Variants in TMEM182 observed in about 807,000 individuals in gnomAD.
The protein encoded by TMEM182 is transmembrane protein 182.
In TMEM182, 20 loss-of-function variants were observed where a neutral mutation model predicts 26.8. That is an observed-to-expected ratio of 0.75 (90% CI 0.53 to 1.09). TMEM182 has a LOEUF of 1.09. Ranked by LOEUF, TMEM182 falls within the 50% of genes least tolerant of loss-of-function variation. The pLI, the probability that TMEM182 is intolerant of heterozygous loss-of-function variation, is 0.00. For synonymous variants in TMEM182, 109 were observed against 102.2 expected (o/e 1.07, Z -0.40); for missense variants, 277 against 275.5 (o/e 1.01, Z -0.04).
chr2:102,816,118 C>T lies in TMEM182; in HGVS notation c.*1150C>T, dbSNP rs1682734614. ...ATTCTGTATTATTCAGTAGCATAGA[C>T]ATTTTGCATATCAAAGATGTTCATT... On this transcript the variant is annotated 3_prime_UTR_variant, in exon 5 of 5. Coordinates refer to ENST00000412401, the MANE Select transcript of TMEM182 (RefSeq NM_144632.5). 1.0e-6 allele frequency: 1 copy of T among 985,374 alleles called. No homozygotes were observed. The highest frequency in any genetic ancestry group is 1.2e-6 in the Non-Finnish European group (1 of 829,924). The allele number at this position is 985,374 out of a possible 1,614,324, so 61.0% of individuals were successfully genotyped here.
In TMEM182 at chr2:102,816,509, C is replaced by CTAATAA. The variant is rs1558789237; in HGVS notation, c.*1541_*1542insTAATAA. 2 of 769,782 alleles carry CTAATAA rather than the reference C, an allele frequency of 2.6e-6. No homozygotes were observed. The highest frequency in any genetic ancestry group is 1.4e-4 in the East Asian group (1 of 6,940). The allele number at this position is 769,782 out of a possible 1,614,324, so 47.7% of individuals were successfully genotyped here. A position where few individuals can be genotyped will look rare whatever the true frequency, so the allele number is the denominator to read the frequency against. On this transcript the variant is annotated 3_prime_UTR_variant, in exon 5 of 5. Coordinates refer to ENST00000412401, the MANE Select transcript of TMEM182 (RefSeq NM_144632.5). Reference sequence around the variant, plus strand: ...CAGGGCATTTTCATGACAGGACTTGCCAATAATAATAATAATAATAATAAT... The same window carrying CTAATAA: ...CAGGGCATTTTCATGACAGGACTTGCTAATAACAATAATAATAATAATAATAATAAT...
chr2:102,763,472 G>A (rs1213479232), intron 2 of TMEM182, among the ~76,000 whole-genome samples: 1 of 152,080 alleles, frequency 6.6e-6, no homozygotes, highest in Non-Finnish European at 1.5e-5. Context: ...TCAAAGTATG[G>A]TATTTACATA....
intron 1 of TMEM182, among the ~76,000 whole-genome samples, chr2:102,751,145 A>G (rs1286521300): frequency 6.6e-6 from 1 of 152,106 alleles, no homozygotes; most frequent in Non-Finnish European, 1.5e-5. Flanking sequence ...GAGGTTTAAT[A>G]GGCGCAAGAA....
chr2:102,777,114 A>G (rs1408688729), intron 3 of TMEM182, among the ~76,000 whole-genome samples: 1 of 151,834 alleles, frequency 6.6e-6, no homozygotes, highest in African/African-American at 2.4e-5. Flanking sequence ...ACATTTTCTT[A>G]ACAGTGTCGT....
At chr2:102,757,750 T>C (rs1680088064), upstream of TMEM182, among the ~76,000 whole-genome samples, 1 of 152,170 alleles carries the variant, frequency 6.6e-6, no homozygotes, top group African/African-American at 2.4e-5. Context: ...GACTGGGTAA[T>C]TTATGAAGAA....
intron 3 of TMEM182, among the ~76,000 whole-genome samples, chr2:102,770,496 G>A (rs1172570485): frequency 6.6e-6 from 1 of 152,156 alleles, no homozygotes; most frequent in Non-Finnish European, 1.5e-5. Flanking sequence ...ACCCTGCAAT[G>A]CACTTCCTCC....
intron 1 of TMEM182, among the ~76,000 whole-genome samples, chr2:102,745,127 TG>T (rs1373791771): frequency 2.6e-5 from 4 of 151,822 alleles, no homozygotes; most frequent in Admixed American, 6.6e-5. Flanking sequence ...TTTTTCTTTA[TG>T]TTTTTTTTTT....
At chr2:102,800,632 A>G (rs529367783) in intron 4 of TMEM182, among the ~76,000 whole-genome samples, 15 of 152,138 alleles carry the variant, frequency 9.9e-5, no homozygotes, top group Middle Eastern at 3.4e-3. Context: ...TTACATGTAC[A>G]AATATTTGTT....
At chr2:102,818,774 CT>C (rs1682839525), downstream of TMEM182, among the ~76,000 whole-genome samples, 1 of 151,850 alleles carries the variant, frequency 6.6e-6, no homozygotes, top group Non-Finnish European at 1.5e-5. Flanking sequence ...ATCTATCTAT[CT>C]ATCTATCTCT....
intron 1 of TMEM182, among the ~76,000 whole-genome samples, chr2:102,754,201 C>A (rs889126117): frequency 1.3e-5 from 2 of 152,098 alleles, no homozygotes. Context: ...ATGTGTAATC[C>A]TTTGGGCCAG....
At chr2:102,819,493 T>C (rs982938399), downstream of TMEM182, among the ~76,000 whole-genome samples, 1 of 152,186 alleles carries the variant, frequency 6.6e-6, no homozygotes, top group Non-Finnish European at 1.5e-5. Flanking sequence ...TATAACCACA[T>C]ACCTAGGCAT....
rs111865205 is a variant in TMEM182 at position 102,756,822 on chromosome 2, C to CTT, written c.-82-1559_-82-1558dup. Among the ~76,000 whole-genome samples, 23 of 150,754 alleles carry CTT rather than the reference C, an allele frequency of 1.5e-4. No homozygotes were observed. In the South Asian group the frequency reaches 1.9e-3, roughly 12 times the overall value. On this transcript the variant is annotated intron_variant, in intron 1 of 5. Transcript: ENST00000409173. ...TTAAGCACAATCCCATTCTTTTTTC[C>CTT]TTTTTTTTTGAGAGGGAGTCTCACT...
intron 1 of TMEM182, among the ~76,000 whole-genome samples, chr2:102,751,411 TGGTTGG>T (rs1679872639): frequency 6.6e-6 from 1 of 152,016 alleles, no homozygotes; most frequent in Non-Finnish European, 1.5e-5. Flanking sequence ...ACTGCAAATG[TGGTTGG>T]AAAGGAGAAG....
At chr2:102,805,301 C>T (rs1682305291) in intron 4 of TMEM182, among the ~76,000 whole-genome samples, 1 of 152,122 alleles carries the variant, frequency 6.6e-6, no homozygotes, top group Non-Finnish European at 1.5e-5. Context: ...CCAAAGCCTG[C>T]TCCTTGAGTC....
At chr2:102,812,392 CA>C (rs1218529585) in intron 4 of TMEM182, among the ~76,000 whole-genome samples, 1 of 118,850 alleles carries the variant, frequency 8.4e-6, no homozygotes, top group African/African-American at 3.8e-5. Context: ...TGTACACACA[CA>C]CACACACACA....
chr2:102,835,041 T>TG (rs1683219652), intron 3 of TMEM182, among the ~76,000 whole-genome samples: 1 of 152,000 alleles, frequency 6.6e-6, no homozygotes, highest in East Asian at 1.9e-4. Flanking sequence ...AAAGCAATTG[T>TG]GGGGGGCGGG....
At chr2:102,810,001 T>A (rs1350963338) in intron 4 of TMEM182, among the ~76,000 whole-genome samples, 2 of 152,218 alleles carry the variant, frequency 1.3e-5, no homozygotes, top group Non-Finnish European at 2.9e-5. Flanking sequence ...AATTTATGAT[T>A]CTTCCCCAAG....
At chr2:102,826,658 C>T (rs565661906) in intron 3 of TMEM182, among the ~76,000 whole-genome samples, 5 of 152,218 alleles carry the variant, frequency 3.3e-5, no homozygotes, top group East Asian at 1.9e-4. Context: ...CTTACTATTC[C>T]GAAGTCACTG....
Position 102,794,856 on chromosome 2 carries a change from T to C in TMEM182, c.332-3007T>C, listed in dbSNP as rs188724388. 1.9e-4 allele frequency among the ~76,000 whole-genome samples: 29 copies of C among 152,338 alleles called. 1 individual carries two copies. The East Asian group carries it at 4.4e-3, about 23-fold the overall frequency. On this transcript the variant is annotated intron_variant, in intron 3 of 4. Transcript: ENST00000412401. ...GTGTTTCATCACATTTGGAAAGTTT[T>C]CAGGCATTACTTTTATGAATATTTT...
Sources: allele counts gnomAD v4.1 joint callset (sites outside exome capture counted in the v4.1 genomes callset), GRCh38; gene constraint gnomAD v4.1.1; transcripts MANE v1.5; gene names NCBI Gene and HGNC (gene_info 2026-07-23, HGNC 2026-07-21).